The following NAV3 variants were observed in gnomAD, a reference collection of about 807,000 sequenced individuals.
NAV3 encodes neuron navigator 3.
A neutral mutation model predicts 244.7 loss-of-function variants in NAV3; 87 were observed. That is an observed-to-expected ratio of 0.36 (90% CI 0.30 to 0.42). The LOEUF is 0.42. NAV3 is among the 20% of genes least tolerant of loss of function. The probability of loss-of-function intolerance (pLI) is 1.00; values close to 1 mark genes in which losing one functional copy is unlikely to be tolerated. For synonymous variants in NAV3, 1,126 were observed against 1,042.2 expected, an observed-to-expected ratio of 1.08 and a Z score of -1.55; for missense variants, 2,663 against 2,893.3, an observed-to-expected ratio of 0.92 and a Z score of 1.83.
intron 2 of NAV3, among the ~76,000 whole-genome samples, chr12:77,629,531 C>T (rs12313317): frequency 0.12 from 18,140 of 152,102 alleles, 2,001 homozygotes; most frequent in African/African-American, 0.29. Flanking sequence ...TAATATAGCT[C>T]TTTTCTATCT....
At chr12:77,666,113 C>T (rs1327794398) in intron 2 of NAV3, among the ~76,000 whole-genome samples, 1 of 150,618 alleles carries the variant, frequency 6.6e-6, no homozygotes, top group Non-Finnish European at 1.5e-5. Context: ...AAAATTCCAT[C>T]TTCCACTCTT....
chr12:78,162,884 TA>T (rs1565744068), intron 23 of NAV3, among the ~76,000 whole-genome samples: 1 of 125,894 alleles, frequency 7.9e-6, no homozygotes, highest in African/African-American at 2.9e-5. Flanking sequence ...ATATATATAA[TA>T]TATATAATAT....
chr12:77,772,365 GA>G (rs1870137768), intron 2 of NAV3, among the ~76,000 whole-genome samples: 1 of 152,024 alleles, frequency 6.6e-6, no homozygotes, highest in African/African-American at 2.4e-5. Context: ...AGTTAATTAG[GA>G]AAAAGCAATG....
intron 1 of NAV3, among the ~76,000 whole-genome samples, chr12:77,857,331 A>G (rs982139969): frequency 3.9e-5 from 6 of 152,042 alleles, no homozygotes; most frequent in Non-Finnish European, 8.8e-5. Context: ...GATAGCTATC[A>G]TATATTCCAA....
At chr12:77,809,419 G>A (rs1442070894) in intron 2 of NAV3, among the ~76,000 whole-genome samples, 2 of 152,168 alleles carry the variant, frequency 1.3e-5, no homozygotes, top group African/African-American at 4.8e-5. Flanking sequence ...CCTTGGCTAG[G>A]GGAGGGAGTT....
intron 2 of NAV3, among the ~76,000 whole-genome samples, chr12:77,634,082 G>T (rs1412469535): frequency 1.3e-5 from 2 of 150,240 alleles, no homozygotes; most frequent in African/African-American, 4.9e-5. Context: ...TTATATTTTT[G>T]TGTGTATTTT....
At chr12:77,625,626 G>C (rs764025850) in intron 2 of NAV3, among the ~76,000 whole-genome samples, 1 of 152,072 alleles carries the variant, frequency 6.6e-6, no homozygotes, top group Non-Finnish European at 1.5e-5. Flanking sequence ...GCAAAGCCTC[G>C]TCACAGCCTT....
chr12:78,074,201 T>A (rs887349648), intron 12 of NAV3, among the ~76,000 whole-genome samples: 1 of 152,138 alleles, frequency 6.6e-6, no homozygotes, highest in African/African-American at 2.4e-5. Flanking sequence ...GGCTTGGGAA[T>A]TTTAGGATCA....
intron 2 of NAV3, among the ~76,000 whole-genome samples, chr12:77,603,174 G>T (rs962829708): frequency 1.3e-5 from 2 of 152,042 alleles, no homozygotes; most frequent in Admixed American, 6.6e-5. Flanking sequence ...TCAGAGGTGT[G>T]CCCTTAGGTT....
At chr12:77,909,785 C>G (rs1886390875) in intron 1 of NAV3, among the ~76,000 whole-genome samples, 1 of 152,042 alleles carries the variant, frequency 6.6e-6, no homozygotes, top group African/African-American at 2.4e-5. Flanking sequence ...TTGAAATAGA[C>G]TAGCATCAGA....
intron 2 of NAV3, among the ~76,000 whole-genome samples, chr12:77,664,009 C>T (rs1439688788): frequency 6.6e-6 from 1 of 151,928 alleles, no homozygotes; most frequent in African/African-American, 2.4e-5. Context: ...TAGTCTTTGT[C>T]ATAGTCAATG....
At chr12:77,736,136 C>T (rs752600965) in intron 2 of NAV3, among the ~76,000 whole-genome samples, 3 of 152,162 alleles carry the variant, frequency 2.0e-5, no homozygotes, top group Non-Finnish European at 2.9e-5. Flanking sequence ...ATATTTTAGG[C>T]CATATGCATT....
intron 2 of NAV3, among the ~76,000 whole-genome samples, chr12:77,723,105 A>G (rs2137303280): frequency 6.6e-6 from 1 of 152,090 alleles, no homozygotes; most frequent in South Asian, 2.1e-4. Flanking sequence ...AAATATGTTT[A>G]TAGTGTCTCT....
chr12:78,101,226 A>G (rs1365807924), intron 12 of NAV3, among the ~76,000 whole-genome samples: 1 of 152,212 alleles, frequency 6.6e-6, no homozygotes, highest in Non-Finnish European at 1.5e-5. Context: ...CCCACCATAA[A>G]CTACAAAGTG....
Position 78,140,267 on chromosome 12 carries a change from G to A in NAV3, c.4631-15G>A, listed in dbSNP as rs1162203242. On this transcript the variant is annotated splice_polypyrimidine_tract_variant and intron_variant, in intron 19 of 39. Coordinates refer to ENST00000397909, the MANE Select transcript of NAV3 (RefSeq NM_001024383.2). ...CTTATTGTTTTAACTCTATTGTTCT[G>A]TTTGTTTTCTCCAGTTCATGGCTCT... 6.2e-7 allele frequency: 1 copy of A among 1,611,222 alleles called. No homozygotes were observed. The highest frequency in any genetic ancestry group is 1.3e-5 in the African/African-American group (1 of 74,954).
intron 2 of NAV3, among the ~76,000 whole-genome samples, chr12:77,766,738 T>TGTTTG (rs71088336): frequency 2.6e-4 from 5 of 19,586 alleles, no homozygotes; most frequent in Admixed American, 5.3e-4. Flanking sequence ...CAATTAAGTT[T>TGTTTG]TTTTTTTTTT....
At chr12:77,724,168 C>A (rs1371395305) in intron 2 of NAV3, among the ~76,000 whole-genome samples, 1 of 151,850 alleles carries the variant, frequency 6.6e-6, no homozygotes, top group East Asian at 1.9e-4. Context: ...ACCACATTCT[C>A]TATTACAAAT....
intron 2 of NAV3, among the ~76,000 whole-genome samples, chr12:77,619,767 GT>G (rs1042794659): frequency 4.0e-5 from 6 of 148,566 alleles, no homozygotes; most frequent in East Asian, 3.9e-4. Context: ...TGTGTCTCAC[GT>G]TTTTTTTTTA....
At chr12:77,889,568 A>G (rs1185944594) in intron 1 of NAV3, among the ~76,000 whole-genome samples, 6 of 152,210 alleles carry the variant, frequency 3.9e-5, no homozygotes, top group Non-Finnish European at 7.4e-5. Context: ...CTCAGTAAAT[A>G]TTATTTTACT....
Sources: gnomAD v4.1 joint callset for allele counts (sites outside exome capture counted in the v4.1 genomes callset) on GRCh38, gnomAD v4.1.1 for gene constraint, MANE v1.5 for transcripts, NCBI Gene and HGNC (gene_info 2026-07-23, HGNC 2026-07-21) for gene names.